SLC19A1: variants seen among roughly 807,000 people sequenced by gnomAD.
SLC19A1 encodes solute carrier family 19 member 1, also known as reduced folate transporter.
Under a neutral mutation model 35.3 loss-of-function variants are expected in SLC19A1, and 37 were observed. The observed-to-expected ratio is 1.05, with a 90% confidence interval of 0.81 to 1.38. SLC19A1 has a LOEUF of 1.38. Ranked by LOEUF, SLC19A1 falls within the 40% of genes most tolerant of loss-of-function variation. The pLI is 0.00. For missense variants in SLC19A1, 831 were observed against 826.9 expected, an observed-to-expected ratio of 1.00 and a Z score of -0.06; for synonymous variants, 460 against 398.5, an observed-to-expected ratio of 1.15 and a Z score of -1.84.
At chr21:45,551,850 T>C (rs527443978) in intron 1 of SLC19A1, among the ~76,000 whole-genome samples, 1 of 152,176 alleles carries the variant, frequency 6.6e-6, no homozygotes, top group African/African-American at 2.4e-5. Flanking sequence ...TGTGTCAAGT[T>C]TGCCAGAGTG....
downstream of SLC19A1, chr21:45,509,976 A>G (rs1237579103): frequency 2.1e-6 from 3 of 1,442,894 alleles, no homozygotes; most frequent in Admixed American, 2.1e-5. Context: ...GCCTGTCCAC[A>G]CAGGTGCGGG....
chr21:45,504,156 T>G, intron 3 of SLC19A1: 2 of 1,353,070 alleles, frequency 1.5e-6, no homozygotes, highest in Non-Finnish European at 2.1e-6. Flanking sequence ...GCCCCCTTCC[T>G]GTTCAGCCCT....
chr21:45,559,744 T>C (rs939178568), intron 1 of SLC19A1, among the ~76,000 whole-genome samples: 1 of 152,172 alleles, frequency 6.6e-6, no homozygotes, highest in Admixed American at 6.5e-5. Context: ...TTAACAGCAG[T>C]GAAGAACTAG....
intron 5 of SLC19A1, among the ~76,000 whole-genome samples, chr21:45,519,570 CAA>C (rs57639933): frequency 3.5e-3 from 203 of 57,218 alleles, no homozygotes; most frequent in African/African-American, 0.01. Flanking sequence ...AACTTCTGAG[CAA>C]AAAAAAAAAA....
intron 4 of SLC19A1, among the ~76,000 whole-genome samples, chr21:45,529,734 CCA>C (rs757624455): frequency 7.9e-4 from 114 of 144,792 alleles, no homozygotes; most frequent in African/African-American, 2.1e-3. Flanking sequence ...TGTAGCATGT[CCA>C]TGTGTGCTGT....
In SLC19A1 at chr21:45,534,563, T is replaced by C. The variant is rs538380959; in HGVS notation, c.190-2415A>G. ...CTCCGAATGAATGGAGCATGCCTCA[T>C]TTCCTCTTCCACCAGGAGCTGGCTC... On this transcript the variant is annotated intron_variant, in intron 2 of 5. Coordinates refer to ENST00000311124, the MANE Select transcript of SLC19A1 (RefSeq NM_194255.4). This position sits in a 1 kb window ranked among gnomAD's most constrained non-coding sequence, Gnocchi z 4.2. The C allele has an allele frequency of 8.5e-6, 13 of 1,535,708 alleles. No individual in the cohort carries two copies. In the East Asian group the frequency reaches 2.9e-4, roughly 35 times the overall value.
intron 5 of SLC19A1, among the ~76,000 whole-genome samples, chr21:45,520,366 T>C (rs980351655): frequency 6.6e-6 from 1 of 151,980 alleles, no homozygotes; most frequent in Admixed American, 6.6e-5. Context: ...ATAAAAGATA[T>C]ACAGATCAGA....
Position 45,530,866 on chromosome 21 carries a change from AG to A in SLC19A1, c.1054del (p.Leu352PhefsTer89). On this transcript the variant is annotated frameshift_variant, in exon 4 of 6. Coordinates refer to ENST00000311124, the MANE Select transcript of SLC19A1 (RefSeq NM_194255.4). LOFTEE classifies it high-confidence loss of function. This position sits in a 1 kb window ranked among gnomAD's most constrained non-coding sequence, Gnocchi z 5.3. The part of the protein sequence containing the change: ...VTATQAGLVF[L>X]LAHTRHPSSI... ...GCTCGGGTGGCGCGTGTGCGCCAGA[AG>A]GAAGACCAGCCCCGCCTGCGTGGCC... 1 of 1,492,356 alleles carries A rather than the reference AG, an allele frequency of 6.7e-7. No homozygotes were observed. The highest frequency in any genetic ancestry group is 8.9e-7 in the Non-Finnish European group (1 of 1,121,204). 92.4% of individuals were successfully genotyped at this position (1,492,356 alleles called of 1,614,324 possible).
chr21:45,504,064 C>T lies in SLC19A1; in HGVS notation c.498-5452G>A. Reference sequence around the variant, plus strand: ...GGAGGCTGAAATGAAGGTGGGTGACCTCCCTGTGGGGTTGGGGGCCCCCAA... The same window carrying T: ...GGAGGCTGAAATGAAGGTGGGTGACTTCCCTGTGGGGTTGGGGGCCCCCAA... On this transcript the variant is annotated intron_variant, in intron 3 of 4. Transcript: ENST00000417954. 1 of 1,613,530 alleles carries T rather than the reference C, an allele frequency of 6.2e-7. No individual in the cohort carries two copies. The highest frequency in any genetic ancestry group is 1.7e-4 in the Middle Eastern group (1 of 6,016).
At chr21:45,548,244 G>A (rs976250665), upstream of SLC19A1, among the ~76,000 whole-genome samples, 2 of 152,274 alleles carry the variant, frequency 1.3e-5, no homozygotes, top group Middle Eastern at 3.4e-3. Context: ...ACTTTATCAC[G>A]TCCCTTTCAC....
At chr21:45,551,554 G>A (rs943682487) in intron 1 of SLC19A1, among the ~76,000 whole-genome samples, 1 of 152,188 alleles carries the variant, frequency 6.6e-6, no homozygotes, top group Non-Finnish European at 1.5e-5. Context: ...ACTCATTACA[G>A]AGAATGATTC....
intron 2 of SLC19A1, 122 bp downstream of exon 2, chr21:45,537,649 G>A (rs1310152901): frequency 1.3e-6 from 1 of 775,312 alleles, no homozygotes. Flanking sequence ...TATTCCAGAA[G>A]CTGCTCCCTG....
chr21:45,543,643 T>C (rs1236088214), upstream of SLC19A1: 3 of 152,326 alleles, frequency 2.0e-5, no homozygotes, highest in African/African-American at 7.2e-5. Flanking sequence ...CTGGGCCTTC[T>C]TTCCAGAGTC....
upstream of SLC19A1, among the ~76,000 whole-genome samples, chr21:45,546,406 G>A (rs535203980): frequency 3.3e-5 from 5 of 152,340 alleles, no homozygotes; most frequent in South Asian, 1.0e-3. Context: ...TCCCTGGAAG[G>A]GTGTCCCACC....
chr21:45,524,790 C>T (rs1239691934), intron 5 of SLC19A1, among the ~76,000 whole-genome samples: 8 of 137,066 alleles, frequency 5.8e-5, no homozygotes, highest in Admixed American at 2.1e-4. Context: ...TGAGTGTTCA[C>T]GCCTGGGCCT....
Position 45,531,035 on chromosome 21 carries a change from G to A in SLC19A1, c.950-64C>T, listed in dbSNP as rs373721988. The stretch of plus-strand genomic sequence containing the variant: ...GGGCCACGGGGCAGGGGGAGGTAGC[G>A]GGAGCTTCTGAGGAAAGGTATCCAC... On this transcript the variant is annotated intron_variant, in intron 3 of 5. Transcript: ENST00000311124. The A allele has an allele frequency of 2.6e-5, 30 of 1,174,176 alleles. No individual in the cohort carries two copies. The African/African-American group carries it at 4.6e-4, about 18-fold the overall frequency. The allele number at this position is 1,174,176 out of a possible 1,614,324, so 72.7% of individuals were successfully genotyped here.
rs1032339360 is a variant in SLC19A1, at chr21:45,517,989, C to T, written c.1294-1849G>A. On this transcript the variant is annotated intron_variant, in intron 5 of 5. Coordinates refer to ENST00000311124, the MANE Select transcript of SLC19A1 (RefSeq NM_194255.4). The surrounding 1 kb of genome is among the most constrained non-coding windows in gnomAD (Gnocchi z 4.4). ...ATGCTTGCATCTCACTAAAAAATCC[C>T]TTGGCACACTAAACCACAAAGATCT... Among the ~76,000 whole-genome samples, 8 of 152,196 alleles carry T rather than the reference C, an allele frequency of 5.3e-5. No individual in the cohort carries two copies. The highest frequency in any genetic ancestry group is 1.9e-4 in the African/African-American group (8 of 41,432).
At position 45,560,926 on chromosome 21, in the gene SLC19A1, A is replaced by C. The variant is rs148616726; in HGVS notation, c.-50+1816T>G. Among the ~76,000 whole-genome samples the C allele has an allele frequency of 1.1e-4, 16 of 152,340 alleles. 1 individual carries two copies. The highest frequency in any genetic ancestry group is 3.8e-4 in the African/African-American group (16 of 41,574). On this transcript the variant is annotated intron_variant, in intron 1 of 5. Transcript: ENST00000650808. ...CTCACGGCTGGCGGAGGGAATGCTC[A>C]TGGCCTGGCTCAGCCTCAGCTGCTG...
chr21:45,512,810 C>CTGTT lies in SLC19A1; in HGVS notation c.*2844_*2847dup, dbSNP rs1381301805. On this transcript the variant is annotated 3_prime_UTR_variant, in exon 6 of 6. Coordinates refer to ENST00000311124, the MANE Select transcript of SLC19A1 (RefSeq NM_194255.4). ...ACCGTTCTGTGCACAAAACCCAGAC[C>CTGTT]TGTTAGCAGACAGGCCCCGTGAGGC... 1.0e-5 allele frequency: 3 copies of CTGTT among 297,520 alleles called. No homozygotes were observed. Among genetic ancestry groups the CTGTT allele is most frequent in the Non-Finnish European group, 1.9e-5 (3 of 154,104 alleles). 18.4% of individuals were successfully genotyped at this position (297,520 alleles called of 1,614,324 possible).
Sources: gnomAD v4.1 joint callset for allele counts (sites outside exome capture counted in the v4.1 genomes callset) on GRCh38, gnomAD v4.1.1 for gene constraint, Gnocchi (gnomAD v3.1) non-coding constraint, MANE v1.5 for transcripts, NCBI Gene and HGNC (gene_info 2026-07-23, HGNC 2026-07-21) for gene names.